The following KCNU1 variants were observed in gnomAD, a reference collection of about 807,000 sequenced individuals.
KCNU1 encodes potassium calcium-activated channel subfamily U member 1.
KCNU1 carries 93 observed loss-of-function variants against 126.8 expected under a neutral mutation model. The ratio of observed to expected loss-of-function variants is 0.73; its 90% CI spans 0.62 to 0.87. The LOEUF is 0.87. Ranked by LOEUF, KCNU1 falls within the 40% of genes least tolerant of loss-of-function variation. The pLI is 0.00. For missense variants in KCNU1, 1,330 were observed against 1,367.1 expected (o/e 0.97, Z 0.43); for synonymous variants, 523 against 494.2 (o/e 1.06, Z -0.77).
intron 24 of KCNU1, chr8:36,922,874 A>G: frequency 1.7e-6 from 1 of 580,232 alleles, no homozygotes; most frequent in Non-Finnish European, 3.2e-6. Flanking sequence ...GATGCCAGGA[A>G]GAGTGAGTGT....
intron 19 of KCNU1, among the ~76,000 whole-genome samples, chr8:36,896,812 C>T (rs1204663654): frequency 6.6e-6 from 1 of 151,992 alleles, no homozygotes; most frequent in African/African-American, 2.4e-5. Context: ...TATAGGAAAA[C>T]ATTTCTTCTT....
At chr8:36,813,657 T>G (rs1230163794) in intron 7 of KCNU1, among the ~76,000 whole-genome samples, 1 of 141,700 alleles carries the variant, frequency 7.1e-6, no homozygotes, top group Admixed American at 7.4e-5. Context: ...GGAAAATATT[T>G]TTAAAGGTTT....
intron 2 of KCNU1, 87 bp from the exon 3 acceptor site, chr8:36,803,940 A>G (rs1803403179): frequency 2.4e-6 from 2 of 827,052 alleles, no homozygotes; most frequent in East Asian, 2.7e-5. Context: ...GTACACAGGC[A>G]TGGTAAAAAG....
chr8:36,885,081 A>C (rs1433487439), intron 19 of KCNU1, among the ~76,000 whole-genome samples: 1 of 152,198 alleles, frequency 6.6e-6, no homozygotes, highest in Non-Finnish European at 1.5e-5. Flanking sequence ...TTACATGATA[A>C]CTGGGATAAA....
chr8:36,895,720 T>C (rs1306093319), intron 19 of KCNU1, among the ~76,000 whole-genome samples: 1 of 152,160 alleles, frequency 6.6e-6, no homozygotes, highest in Non-Finnish European at 1.5e-5. Context: ...AGTTTCAGCA[T>C]TGTCATTTTA....
chr8:36,862,598 C>T (rs1448303468), intron 18 of KCNU1, among the ~76,000 whole-genome samples: 1 of 152,070 alleles, frequency 6.6e-6, no homozygotes, highest in East Asian at 1.9e-4. Context: ...ATTATGAAAG[C>T]TTTCAAAATT....
chr8:36,792,441 T>C (rs1486208902), intron 2 of KCNU1, among the ~76,000 whole-genome samples: 2 of 152,204 alleles, frequency 1.3e-5, no homozygotes, highest in African/African-American at 4.8e-5. Context: ...TGTCTTCAAA[T>C]AGGGATAGAC....
intron 24 of KCNU1, among the ~76,000 whole-genome samples, chr8:36,924,206 A>T (rs1050223320): frequency 6.6e-6 from 1 of 151,890 alleles, no homozygotes; most frequent in Non-Finnish European, 1.5e-5. Context: ...TGCCTCCCAC[A>T]CTCCTCCTAC....
intron 19 of KCNU1, among the ~76,000 whole-genome samples, chr8:36,883,559 G>A (rs1189807710): frequency 1.3e-5 from 2 of 152,240 alleles, no homozygotes; most frequent in East Asian, 1.9e-4. Context: ...AGAGGTGGGA[G>A]GATCACTTGA....
intron 2 of KCNU1, among the ~76,000 whole-genome samples, chr8:36,790,514 A>T (rs1024766900): frequency 6.6e-6 from 1 of 152,078 alleles, no homozygotes; most frequent in Non-Finnish European, 1.5e-5. Flanking sequence ...ATATGAAATA[A>T]GACATTTAAA....
intron 20 of KCNU1, among the ~76,000 whole-genome samples, chr8:36,909,071 C>G (rs1308991129): frequency 2.0e-5 from 3 of 152,062 alleles, no homozygotes; most frequent in East Asian, 3.9e-4. Context: ...GCATTCCAAG[C>G]TAATAGAAAA....
rs1167446495 is a variant in KCNU1 at position 36,905,793 on chromosome 8, A to G, written c.2095A>G (p.Lys699Glu). 1.3e-6 allele frequency: 2 copies of G among 1,539,898 alleles called. No homozygotes were observed. The highest frequency in any genetic ancestry group is 1.8e-6 in the Non-Finnish European group (2 of 1,125,410). The stretch of plus-strand genomic sequence containing the variant: ...CTGGTGCAAACCAACCTCTTTGGAC[A>G]AGGTGACTCTGGTAGGTGATCTTGC... ...FHWCKPTSLD[K>E]VTLKRTGKSK... is the part of the protein sequence containing the mutation. Residue 699 changes from lysine (K) to glutamate (E), a missense_variant, in exon 20 of 27, where the codon AAG becomes GAG. Around this residue, in one of 3 missense-constraint regions of KCNU1, gnomAD observed 1,054 missense variants for 1,053.9 expected, o/e 1.00. Coordinates refer to ENST00000399881, the MANE Select transcript of KCNU1 (RefSeq NM_001031836.3).
At chr8:36,784,710 C>A in intron 1 of KCNU1, 105 bp downstream of exon 1, 2 of 915,896 alleles carry the variant, frequency 2.2e-6, no homozygotes, top group African/African-American at 1.7e-5. Flanking sequence ...TTCAAGCTAA[C>A]AGAGTCAGCT....
At chr8:36,895,279 A>T (rs1034047233) in intron 19 of KCNU1, among the ~76,000 whole-genome samples, 1 of 151,978 alleles carries the variant, frequency 6.6e-6, no homozygotes, top group Non-Finnish European at 1.5e-5. Flanking sequence ...GGGTTTCACC[A>T]TGTTGTCCAG....
chr8:36,923,449 C>T (rs1014878522), intron 24 of KCNU1, among the ~76,000 whole-genome samples: 17 of 151,980 alleles, frequency 1.1e-4, no homozygotes, highest in Non-Finnish European at 1.8e-4. Context: ...TCAGGGAAGG[C>T]GATGTTGAGA....
intron 19 of KCNU1, among the ~76,000 whole-genome samples, chr8:36,869,082 A>G (rs1806010412): frequency 6.6e-6 from 1 of 152,200 alleles, no homozygotes; most frequent in Non-Finnish European, 1.5e-5. Context: ...TTTTAATTAG[A>G]TATTAGAAAG....
chr8:36,815,563 G>C, intron 8 of KCNU1, 33 bp from the exon 9 acceptor site: 1 of 1,149,344 alleles, frequency 8.7e-7, no homozygotes, highest in South Asian at 1.4e-5. Flanking sequence ...AAAATAATGA[G>C]AACTAAGGTT....
Position 36,817,655 on chromosome 8 carries a change from T to C in KCNU1, c.1001T>C (p.Ile334Thr), listed in dbSNP as rs1803968983. 1 of 1,600,226 alleles carries C rather than the reference T, an allele frequency of 6.2e-7. No individual in the cohort carries two copies. The highest frequency in any genetic ancestry group is 1.3e-5 in the African/African-American group (1 of 74,626). The change falls in exon 10 of 27, where the codon ATT (isoleucine) becomes ACT (threonine). Residue 334 changes from isoleucine to threonine, a missense_variant. Around this residue, in one of 3 missense-constraint regions of KCNU1, gnomAD observed 1,054 missense variants for 1,053.9 expected, o/e 1.00. Transcript: ENST00000399881. ...SYEALKGKKF[I>T]VVCGNITVDS... ...CACCTGTTTTTGCTGCCTAGGTTTA[T>C]TGTGGTCTGTGGAAACATCACTGTG...
intron 10 of KCNU1, among the ~76,000 whole-genome samples, chr8:36,829,805 T>C (rs1804463917): frequency 6.6e-6 from 1 of 151,232 alleles, no homozygotes; most frequent in African/African-American, 2.4e-5. Context: ...AATAATGTGG[T>C]ATAATTTCCC....
Sources: gnomAD v4.1 joint callset for allele counts (sites outside exome capture counted in the v4.1 genomes callset) on GRCh38, gnomAD v4.1.1 for gene constraint, gnomAD v4.1.1 regional missense constraint, MANE v1.5 for transcripts, NCBI Gene and HGNC (gene_info 2026-07-23, HGNC 2026-07-21) for gene names.